The following SIPA1L2 variants were observed in gnomAD, a reference collection of about 807,000 sequenced individuals.
SIPA1L2 encodes signal induced proliferation associated 1 like 2, also known as signal-induced proliferation-associated 1-like protein 2.
SIPA1L2 carries 56 observed loss-of-function variants against 163.9 expected under a neutral mutation model. The observed-to-expected ratio is 0.34, with a 90% CI of 0.28 to 0.43. SIPA1L2 has a LOEUF of 0.43. Among genes scored for constraint, SIPA1L2 ranks in the 20% least tolerant of loss-of-function variants. The pLI is 1.00. For synonymous variants in SIPA1L2, 877 were observed against 865.7 expected (o/e 1.01, Z -0.23); for missense variants, 1,974 against 2,193.5 (o/e 0.90, Z 2.00).
chr1:232,511,964 TG>T (rs1446765326), intron 3 of SIPA1L2, among the ~76,000 whole-genome samples: 2 of 152,212 alleles, frequency 1.3e-5, no homozygotes, highest in African/African-American at 4.8e-5. Context: ...AGAAAATTTT[TG>T]CAATCTGTCC....
At chr1:232,554,941 G>C (rs1216439425) in intron 2 of SIPA1L2, among the ~76,000 whole-genome samples, 1 of 152,076 alleles carries the variant, frequency 6.6e-6, no homozygotes, top group Non-Finnish European at 1.5e-5. Context: ...CTTTCTCTCC[G>C]TGAAGTATTT....
intron 2 of SIPA1L2, among the ~76,000 whole-genome samples, chr1:232,522,961 T>C (rs1230396413): frequency 6.6e-6 from 1 of 152,210 alleles, no homozygotes; most frequent in Non-Finnish European, 1.5e-5. Context: ...AGTAACTGAC[T>C]GCAGTGTTTA....
intron 1 of SIPA1L2, among the ~76,000 whole-genome samples, chr1:232,585,105 TA>T (rs1430101638): frequency 1.5e-4 from 23 of 152,338 alleles, no homozygotes; most frequent in African/African-American, 5.3e-4. Flanking sequence ...AACACAAAGC[TA>T]ACTTCTGTAA....
chr1:232,513,544 A>AT (rs2103042833), intron 3 of SIPA1L2, among the ~76,000 whole-genome samples: 1 of 152,354 alleles, frequency 6.6e-6, no homozygotes, highest in African/African-American at 2.4e-5. Flanking sequence ...ACTTCTTACA[A>AT]GGGATGAAAT....
chr1:232,622,091 A>T (rs991795723), intron 1 of SIPA1L2, among the ~76,000 whole-genome samples: 53 of 152,242 alleles, frequency 3.5e-4, no homozygotes, highest in African/African-American at 1.2e-3. Context: ...ACGATCCTCA[A>T]ATAAAATTGG....
chr1:232,573,023 C>T (rs995099474), intron 2 of SIPA1L2, among the ~76,000 whole-genome samples: 4 of 151,772 alleles, frequency 2.6e-5, no homozygotes, highest in Non-Finnish European at 4.4e-5. Context: ...TCAGGTGATC[C>T]GTCCGCCTCG....
chr1:232,613,525 C>A (rs541691173), intron 1 of SIPA1L2, among the ~76,000 whole-genome samples: 72 of 152,252 alleles, frequency 4.7e-4, no homozygotes, highest in African/African-American at 1.7e-3. Context: ...CTGAAGGTAT[C>A]CAACACGGAA....
At chr1:232,571,930 T>C (rs983579460) in intron 2 of SIPA1L2, among the ~76,000 whole-genome samples, 1 of 152,208 alleles carries the variant, frequency 6.6e-6, no homozygotes, top group African/African-American at 2.4e-5. Context: ...TTGTAAATTA[T>C]CCAGCCTCAG....
chr1:232,418,710 G>A (rs1428492053), intron 18 of SIPA1L2, among the ~76,000 whole-genome samples: 2 of 152,222 alleles, frequency 1.3e-5, no homozygotes, highest in African/African-American at 4.8e-5. Context: ...GGCTGGCCAA[G>A]CAGGGAGCAG....
chr1:232,449,531 A>AG (rs1379245721), intron 10 of SIPA1L2, among the ~76,000 whole-genome samples: 1 of 151,938 alleles, frequency 6.6e-6, no homozygotes, highest in African/African-American at 2.4e-5. Flanking sequence ...AAAAAAAAAA[A>AG]AAAAAATTAA....
At chr1:232,443,795 G>T in intron 11 of SIPA1L2, 110 bp from the exon 12 acceptor site, 6 of 824,368 alleles carry the variant, frequency 7.3e-6, no homozygotes, top group Non-Finnish European at 9.1e-6. Context: ...ACAAAGAAAA[G>T]GAAGAAAAAC....
intron 2 of SIPA1L2, among the ~76,000 whole-genome samples, chr1:232,553,787 T>C (rs1463344076): frequency 6.6e-6 from 1 of 152,220 alleles, no homozygotes; most frequent in Admixed American, 6.5e-5. Context: ...AATATTTATC[T>C]CCATTATCAG....
chr1:232,543,188 C>T (rs189113861), intron 2 of SIPA1L2, among the ~76,000 whole-genome samples: 11 of 152,336 alleles, frequency 7.2e-5, no homozygotes, highest in Admixed American at 4.6e-4. Context: ...AGCCTTGCTA[C>T]TATCCTTACT....
chr1:232,530,113 C>A (rs889803486), intron 2 of SIPA1L2, among the ~76,000 whole-genome samples: 3 of 151,832 alleles, frequency 2.0e-5, no homozygotes, highest in Non-Finnish European at 2.9e-5. Context: ...GGAAGCCTCA[C>A]CATTTATTCT....
intron 3 of SIPA1L2, among the ~76,000 whole-genome samples, chr1:232,499,344 G>A (rs1195778479): frequency 6.6e-6 from 1 of 152,194 alleles, no homozygotes; most frequent in Admixed American, 6.5e-5. Context: ...AAGTAAAAGT[G>A]CCACTTCAGA....
In SIPA1L2 at chr1:232,486,705, G is replaced by A. The variant is rs142741310; in HGVS notation, c.1807-2739C>T. 3.9e-3 allele frequency among the ~76,000 whole-genome samples: 597 copies of A among 152,276 alleles called. 4 individuals are homozygous for A. Among genetic ancestry groups the A allele is most frequent in the African/African-American group, 0.013 (533 of 41,548 alleles). ...TTGTTTACAACAAGGGCTGATTCCA[G>A]TAAAACAAGAATGAAATGAATAATG... On this transcript the variant is annotated intron_variant, in intron 5 of 22. Transcript: ENST00000674635.
At chr1:232,629,151 G>T (rs549110415) in intron 1 of SIPA1L2, among the ~76,000 whole-genome samples, 4 of 151,998 alleles carry the variant, frequency 2.6e-5, no homozygotes, top group African/African-American at 9.7e-5. Context: ...ATGCCAAGTT[G>T]TTCTCTCTTT....
At chr1:232,466,135 T>C (rs1188921335) in intron 8 of SIPA1L2, among the ~76,000 whole-genome samples, 1 of 152,198 alleles carries the variant, frequency 6.6e-6, no homozygotes, top group Non-Finnish European at 1.5e-5. Context: ...TCTGTGGGGC[T>C]GGTTATCACT....
Position 232,515,318 on chromosome 1 carries a change from G to C in SIPA1L2, c.22C>G (p.Gln8Glu), listed in dbSNP as rs774963680. The C allele has an allele frequency of 3.1e-6, 5 of 1,604,358 alleles. No homozygotes were observed. The highest frequency in any genetic ancestry group is 1.1e-5 in the South Asian group (1 of 89,546). Residue 8 changes from glutamine to glutamate, a missense_variant, in exon 3 of 23, where the codon CAA (glutamine) becomes GAA (glutamate). Transcript: ENST00000674635. ...CTGCCTAGCTTGTGCTTCTCTTCTT[G>C]TGACTGCCTTGGGTCACTCATGTCT... MSDPRQS[Q>E]EEKHKLGRAS...
Sources: allele counts gnomAD v4.1 joint callset (sites outside exome capture counted in the v4.1 genomes callset), GRCh38; gene constraint gnomAD v4.1.1; transcripts MANE v1.5; gene names NCBI Gene and HGNC (gene_info 2026-07-23, HGNC 2026-07-21).